Variants in TMEM117 observed in about 807,000 individuals in gnomAD.
TMEM117 encodes transmembrane protein 117.
In TMEM117, 27 loss-of-function variants were observed where a neutral mutation model predicts 52.4. The observed-to-expected ratio is 0.51, with a 90% CI of 0.38 to 0.71. TMEM117 has a LOEUF of 0.71. Ranked by LOEUF, TMEM117 falls within the 30% of genes least tolerant of loss-of-function variation. The pLI is 0.00. For missense variants in TMEM117, 556 were observed against 630.5 expected, an observed-to-expected ratio of 0.88 and a Z score of 1.26; for synonymous variants, 215 against 206.3, an observed-to-expected ratio of 1.04 and a Z score of -0.36.
chr12:43,923,173 G>A (rs182733428), intron 2 of TMEM117, among the ~76,000 whole-genome samples: 2 of 152,186 alleles, frequency 1.3e-5, no homozygotes, highest in African/African-American at 2.4e-5. Context: ...AGAGTGGGCC[G>A]TTCTTTATCT....
intron 2 of TMEM117, among the ~76,000 whole-genome samples, chr12:43,900,302 T>C (rs1944282169): frequency 6.6e-6 from 1 of 152,184 alleles, no homozygotes; most frequent in African/African-American, 2.4e-5. Context: ...AGAGGTAGTT[T>C]AGGAAGTTAC....
At chr12:43,906,359 A>G (rs60306990) in intron 2 of TMEM117, among the ~76,000 whole-genome samples, 8,847 of 151,938 alleles carry the variant, frequency 0.058, 307 homozygotes, top group Middle Eastern at 0.13. Context: ...GCTACTCGGG[A>G]GGCTGAGGCA....
intron 2 of TMEM117, among the ~76,000 whole-genome samples, chr12:43,938,229 CTATATTATATATTATTATATATTATATAT>C (rs1010241227): frequency 4.1e-5 from 6 of 147,502 alleles, no homozygotes; most frequent in African/African-American, 1.5e-4. Flanking sequence ...GGCAACAAGG[CTATATTATATATTATTATATATTATATAT>C]TATATTATAT....
At chr12:44,029,625 C>T (rs1006575380) in intron 3 of TMEM117, among the ~76,000 whole-genome samples, 1 of 152,216 alleles carries the variant, frequency 6.6e-6, no homozygotes. Context: ...CTCTCTCTTT[C>T]TGCAAACTGG....
the TMEM117 span, chr12:43,805,673 G>T: frequency 1.4e-6 from 1 of 725,060 alleles, no homozygotes; most frequent in Non-Finnish European, 2.1e-6. Flanking sequence ...TTACACTCGA[G>T]ATTTCTCAGA....
chr12:44,360,087 G>C (rs1432262708), intron 6 of TMEM117, among the ~76,000 whole-genome samples: 1 of 151,968 alleles, frequency 6.6e-6, no homozygotes, highest in East Asian at 1.9e-4. Context: ...TAATTTACAT[G>C]GTCAAATGTT....
intron 4 of TMEM117, among the ~76,000 whole-genome samples, chr12:44,196,496 G>A (rs752093485): frequency 6.6e-5 from 10 of 151,984 alleles, no homozygotes; most frequent in Non-Finnish European, 1.2e-4. Flanking sequence ...AAAATATCTT[G>A]GATATGTAAT....
At chr12:44,033,748 GT>G (rs906999079) in intron 3 of TMEM117, among the ~76,000 whole-genome samples, 37 of 152,248 alleles carry the variant, frequency 2.4e-4, no homozygotes, top group Admixed American at 2.3e-3. Flanking sequence ...CATCTTCAAA[GT>G]TTTTTCTCTT....
chr12:44,090,481 G>T (rs7954128), intron 3 of TMEM117, among the ~76,000 whole-genome samples: 3 of 151,160 alleles, frequency 2.0e-5, no homozygotes, highest in Non-Finnish European at 2.9e-5. Context: ...CTGTCACCCA[G>T]GTTGGAGTGC....
At chr12:44,157,222 T>G (rs996636942) in intron 4 of TMEM117, among the ~76,000 whole-genome samples, 25 of 152,198 alleles carry the variant, frequency 1.6e-4, no homozygotes, top group Admixed American at 1.2e-3. Flanking sequence ...TGTGCTTTAA[T>G]TTGATTCTTT....
intron 3 of TMEM117, among the ~76,000 whole-genome samples, chr12:44,126,712 A>C (rs1157631777): frequency 6.6e-6 from 1 of 152,230 alleles, no homozygotes; most frequent in African/African-American, 2.4e-5. Flanking sequence ...GTCATTTGGT[A>C]AAAACACCCA....
chr12:44,216,996 A>G (rs1273646285), intron 5 of TMEM117, among the ~76,000 whole-genome samples: 5 of 152,204 alleles, frequency 3.3e-5, no homozygotes, highest in African/African-American at 1.2e-4. Flanking sequence ...TGCTTTGAAT[A>G]TCATAGTTAT....
the TMEM117 span, among the ~76,000 whole-genome samples, chr12:43,829,197 C>A: frequency 2.6e-5 from 4 of 152,198 alleles, no homozygotes; most frequent in Non-Finnish European, 4.4e-5. Flanking sequence ...CTTCTTCTGT[C>A]TGGCTTTCTA....
At chr12:43,835,711 C>T (rs1296786131), upstream of TMEM117, among the ~76,000 whole-genome samples, 1 of 152,098 alleles carries the variant, frequency 6.6e-6, no homozygotes, top group East Asian at 1.9e-4. Context: ...CTGTCAGCCG[C>T]CCCCCAACCC....
Position 44,260,516 on chromosome 12 carries a change from G to A in TMEM117, c.609-39064G>A, listed in dbSNP as rs576214715. On this transcript the variant is annotated intron_variant, in intron 5 of 7. Coordinates refer to ENST00000266534, the MANE Select transcript of TMEM117 (RefSeq NM_032256.3). ...TAATATCCTCTATTTTTAATCCATT[G>A]GTAATATCTATTATTAACCTCTATG... Among the ~76,000 whole-genome samples the A allele has an allele frequency of 6.8e-4, 104 of 151,948 alleles. 1 individual carries two copies. The highest frequency in any genetic ancestry group is 3.7e-3 in the Admixed American group (56 of 15,238).
intron 6 of TMEM117, among the ~76,000 whole-genome samples, chr12:44,361,784 A>G (rs1280143650): frequency 1.3e-5 from 2 of 152,074 alleles, no homozygotes; most frequent in East Asian, 3.9e-4. Context: ...GAAGAGTTAC[A>G]TACACAAAAA....
At chr12:43,910,133 A>C (rs2137529572) in intron 2 of TMEM117, among the ~76,000 whole-genome samples, 1 of 136,246 alleles carries the variant, frequency 7.3e-6, no homozygotes, top group Admixed American at 7.7e-5. Flanking sequence ...GCACATCAAA[A>C]AGCTTATCCA....
intron 7 of TMEM117, among the ~76,000 whole-genome samples, chr12:44,383,615 A>C (rs1279383371): frequency 6.6e-6 from 1 of 152,186 alleles, no homozygotes; most frequent in East Asian, 1.9e-4. Flanking sequence ...GCTGATTTAC[A>C]TTGTGCTAGG....
At chr12:43,875,789 G>A (rs769067594) in intron 2 of TMEM117, among the ~76,000 whole-genome samples, 1 of 152,136 alleles carries the variant, frequency 6.6e-6, no homozygotes, top group Non-Finnish European at 1.5e-5. Flanking sequence ...ATAAGGGAAA[G>A]AAATCAGAGG....
Sources: allele counts gnomAD v4.1 joint callset (sites outside exome capture counted in the v4.1 genomes callset), GRCh38; gene constraint gnomAD v4.1.1; transcripts MANE v1.5; gene names NCBI Gene and HGNC (gene_info 2026-07-23, HGNC 2026-07-21).